Variants in PCDH11X observed in about 807,000 individuals in gnomAD.
The protein encoded by PCDH11X is protocadherin 11 X-linked.
Under a neutral mutation model 53.3 loss-of-function variants are expected in PCDH11X, and 18 were observed. The observed-to-expected ratio is 0.34, with a 90% confidence interval of 0.23 to 0.50. The LOEUF (loss-of-function observed/expected upper bound fraction) is 0.50, where lower values mean the gene tolerates loss of function less well. Ranked by LOEUF, PCDH11X falls within the 20% of genes least tolerant of loss-of-function variation. The pLI, the probability that PCDH11X is intolerant of heterozygous loss-of-function variation, is 0.98. For synonymous variants in PCDH11X, 279 were observed against 393.3 expected (o/e 0.71, Z 3.44); for missense variants, 570 against 1,032.4 (o/e 0.55, Z 6.14).
intron 8 of PCDH11X, among the ~76,000 whole-genome samples, chrX:92,311,501 T>C (rs2068949917): frequency 9.0e-6 from 1 of 111,672 alleles, no homozygotes; most frequent in African/African-American, 3.2e-5. Flanking sequence ...ATATATCAGA[T>C]TGACATTGTT....
intron 9 of PCDH11X, among the ~76,000 whole-genome samples, chrX:92,411,556 G>A (rs1200479397): frequency 8.2e-5 from 9 of 109,100 alleles, no homozygotes; most frequent in Admixed American, 4.9e-4. Context: ...GTTTGCTGAG[G>A]ATGATGGTTT....
intron 9 of PCDH11X, among the ~76,000 whole-genome samples, chrX:92,444,184 T>G (rs1191580404): frequency 9.2e-6 from 1 of 108,151 alleles, no homozygotes; most frequent in East Asian, 2.9e-4. Flanking sequence ...TTTCCATGTG[T>G]TTTTGTCATC....
At chrX:92,440,609 G>A (rs781034176) in intron 9 of PCDH11X, among the ~76,000 whole-genome samples, 5 of 110,661 alleles carry the variant, frequency 4.5e-5, no homozygotes, top group South Asian at 3.9e-4. Flanking sequence ...TGCCATCCAC[G>A]TAAGATGTGA....
At chrX:92,278,119 G>A (rs1431507004) in intron 8 of PCDH11X, among the ~76,000 whole-genome samples, 1 of 111,812 alleles carries the variant, frequency 8.9e-6, no homozygotes, top group Non-Finnish European at 1.9e-5. Context: ...TTGAAATTAA[G>A]AGAAGGGAGA....
intron 6 of PCDH11X, among the ~76,000 whole-genome samples, chrX:91,947,224 A>G (rs751892399): frequency 9.1e-6 from 1 of 109,644 alleles, no homozygotes; most frequent in Non-Finnish European, 1.9e-5. Flanking sequence ...AGTCTAAAAA[A>G]TCTTGATATT....
intron 8 of PCDH11X, among the ~76,000 whole-genome samples, chrX:92,379,184 GC>G (rs898413181): frequency 8.9e-6 from 1 of 112,846 alleles, no homozygotes; most frequent in African/African-American, 3.2e-5. Flanking sequence ...TGGGACTGCT[GC>G]CCCAGGTATC....
At chrX:92,221,155 T>A (rs2148354711) in intron 7 of PCDH11X, among the ~76,000 whole-genome samples, 1 of 102,523 alleles carries the variant, frequency 9.8e-6, no homozygotes, top group African/African-American at 3.5e-5. Flanking sequence ...CATATGTAAC[T>A]AACCTGCACA....
At chrX:91,827,746 G>A (rs1158978723) in intron 4 of PCDH11X, among the ~76,000 whole-genome samples, 1 of 111,564 alleles carries the variant, frequency 9.0e-6, no homozygotes. Flanking sequence ...CTTTGTGGAT[G>A]ATCACGTGGT....
intron 10 of PCDH11X, among the ~76,000 whole-genome samples, chrX:92,469,590 G>A (rs1471472232): frequency 6.3e-5 from 7 of 111,214 alleles, no homozygotes; most frequent in Non-Finnish European, 1.3e-4. Context: ...AAGAGATAGC[G>A]GTCTAGTTTC....
intron 10 of PCDH11X, among the ~76,000 whole-genome samples, chrX:92,530,339 T>C (rs2074532063): frequency 9.3e-6 from 1 of 107,013 alleles, no homozygotes; most frequent in Non-Finnish European, 1.9e-5. Flanking sequence ...TTCTAGGAAA[T>C]GGTGGGGAAG....
intron 5 of PCDH11X, among the ~76,000 whole-genome samples, chrX:91,861,194 G>A (rs1017037950): frequency 2.7e-5 from 3 of 111,548 alleles, no homozygotes; most frequent in African/African-American, 9.8e-5. Flanking sequence ...TTTCTTCCTG[G>A]TTCAGTTTTG....
chrX:92,246,241 G>A (rs976507265), intron 7 of PCDH11X, among the ~76,000 whole-genome samples: 4 of 111,542 alleles, frequency 3.6e-5, no homozygotes, highest in Admixed American at 9.5e-5. Context: ...ATTCATAGGC[G>A]TTGGGGCATA....
chrX:92,619,191 A>G lies in PCDH11X; in HGVS notation c.*251A>G, dbSNP rs1215066270. On this transcript the variant is annotated 3_prime_UTR_variant, in exon 11 of 11. Coordinates refer to ENST00000682573, the MANE Select transcript of PCDH11X (RefSeq NM_032968.5). ...ATCCCCTTGTACAGTAAGGCTTATC[A>G]TGACAGAGCGCACTATTTCTGATGT... is the stretch of plus-strand genomic sequence containing the variant. The G allele has an allele frequency of 1.7e-5, 7 of 416,080 alleles. No individual in the cohort carries two copies. Among genetic ancestry groups the G allele is most frequent in the African/African-American group, 2.5e-5 (1 of 39,775 alleles). 34.3% of individuals were successfully genotyped at this position (416,080 alleles called of 1,213,427 possible). A position where few individuals can be genotyped will look rare whatever the true frequency, so the allele number is the denominator to read the frequency against.
chrX:91,884,046 C>A, intron 6 of PCDH11X: 1 of 283,644 alleles, frequency 3.5e-6, no homozygotes, highest in Non-Finnish European at 4.7e-6. Flanking sequence ...CAAAAATTAG[C>A]CGGGCGTGGT....
chrX:92,325,061 T>C lies in PCDH11X; in HGVS notation c.3144+61918T>C, dbSNP rs2054736338. ...ATGCATTTTCTTATCCAGTCTGCCATTGATAGGCACCTAAGTTGACTCTGT... is the reference window on the plus strand; with the variant it reads ...ATGCATTTTCTTATCCAGTCTGCCACTGATAGGCACCTAAGTTGACTCTGT... On this transcript the variant is annotated intron_variant, in intron 8 of 10. Transcript: ENST00000682573. Among the ~76,000 whole-genome samples the C allele has an allele frequency of 2.7e-5, 3 of 111,991 alleles. No homozygotes were observed. In the Admixed American group the frequency reaches 2.9e-4, roughly 11 times the overall value.
intron 7 of PCDH11X, among the ~76,000 whole-genome samples, chrX:92,262,845 G>A (rs111642927): frequency 0.12 from 13,042 of 110,461 alleles, 1,173 homozygotes; most frequent in African/African-American, 0.3. Flanking sequence ...TATATTTTTT[G>A]TGCCAATTGA....
chrX:92,452,463 G>GTGTGTATATATATA (rs1415846958), intron 9 of PCDH11X, among the ~76,000 whole-genome samples: 25 of 44,683 alleles, frequency 5.6e-4, no homozygotes, highest in Non-Finnish European at 6.7e-4. Flanking sequence ...GTGTGTGTGT[G>GTGTGTATATATATA]TATATATATA....
At chrX:91,938,766 C>T (rs1371379223) in intron 6 of PCDH11X, among the ~76,000 whole-genome samples, 1 of 110,835 alleles carries the variant, frequency 9.0e-6, no homozygotes, top group African/African-American at 3.3e-5. Flanking sequence ...GAACAGAGTA[C>T]TCCAAAAGGT....
Position 92,491,431 on chromosome X carries a change from G to T in PCDH11X, c.3367+23109G>T, listed in dbSNP as rs1352225688. Among the ~76,000 whole-genome samples the T allele has an allele frequency of 2.7e-5, 3 of 109,982 alleles. No homozygotes were observed. In the Admixed American group the frequency reaches 2.9e-4, roughly 11 times the overall value. On this transcript the variant is annotated intron_variant, in intron 10 of 10. Coordinates refer to ENST00000682573, the MANE Select transcript of PCDH11X (RefSeq NM_032968.5). ...ATCTTGTATTCAGTCTCTATTTTTAGTTGTGTATTTATGTATTTATTTTTA... is the reference window on the plus strand; with the variant it reads ...ATCTTGTATTCAGTCTCTATTTTTATTTGTGTATTTATGTATTTATTTTTA...
Sources: gnomAD v4.1 joint callset for allele counts (sites outside exome capture counted in the v4.1 genomes callset) on GRCh38, gnomAD v4.1.1 for gene constraint, MANE v1.5 for transcripts, NCBI Gene and HGNC (gene_info 2026-07-23, HGNC 2026-07-21) for gene names.